Variants in CLYBL observed in about 807,000 individuals in gnomAD.
CLYBL encodes citramalyl-CoA lyase, also known as citramalyl-CoA lyase, mitochondrial.
CLYBL carries 31 observed loss-of-function variants against 38.9 expected under a neutral mutation model. That is an observed-to-expected ratio of 0.80 (90% CI 0.60 to 1.08). CLYBL has a LOEUF of 1.08. CLYBL is among the 50% of genes least tolerant of loss of function. The pLI is 0.00. For missense variants in CLYBL, 434 were observed against 411.6 expected (o/e 1.05, Z -0.47); for synonymous variants, 171 against 158.6 (o/e 1.08, Z -0.59).
intron 1 of CLYBL, among the ~76,000 whole-genome samples, chr13:99,720,897 A>T (rs540743888): frequency 6.6e-6 from 1 of 152,174 alleles, no homozygotes; most frequent in African/African-American, 2.4e-5. Flanking sequence ...CATCTCAGTC[A>T]TAAGTCCTCA....
intron 1 of CLYBL, among the ~76,000 whole-genome samples, chr13:99,665,740 G>A (rs189633795): frequency 6.6e-6 from 1 of 152,124 alleles, no homozygotes; most frequent in Non-Finnish European, 1.5e-5. Flanking sequence ...TAGAAGTTTA[G>A]AGGAGGTATT....
chr13:99,813,590 C>T (rs2050383893), intron 2 of CLYBL, among the ~76,000 whole-genome samples: 1 of 152,154 alleles, frequency 6.6e-6, no homozygotes, highest in African/African-American at 2.4e-5. Context: ...ACTGACTAAC[C>T]ACTTACCACT....
chr13:99,788,180 G>T (rs544461629), intron 2 of CLYBL, among the ~76,000 whole-genome samples: 14 of 151,916 alleles, frequency 9.2e-5, no homozygotes, highest in African/African-American at 2.7e-4. Flanking sequence ...TCCTAATTGA[G>T]TACCCTTTAT....
At chr13:99,693,389 G>A (rs767903058) in intron 1 of CLYBL, among the ~76,000 whole-genome samples, 2 of 152,050 alleles carry the variant, frequency 1.3e-5, no homozygotes, top group African/African-American at 4.8e-5. Context: ...GGGAACACAG[G>A]CTTTCTCTTT....
intron 1 of CLYBL, among the ~76,000 whole-genome samples, chr13:99,739,110 A>T (rs1299524206): frequency 6.6e-6 from 1 of 152,250 alleles, no homozygotes; most frequent in Non-Finnish European, 1.5e-5. Context: ...TTTAGCTCAA[A>T]TAAGCAGCCA....
intron 2 of CLYBL, among the ~76,000 whole-genome samples, chr13:99,854,990 G>A (rs1050572686): frequency 3.9e-5 from 6 of 152,284 alleles, no homozygotes; most frequent in South Asian, 2.1e-4. Context: ...TTTAGAATGG[G>A]GGCCTGCAAA....
intron 7 of CLYBL, among the ~76,000 whole-genome samples, chr13:99,887,238 T>TCC (rs34556034): frequency 2.1e-4 from 32 of 151,282 alleles, no homozygotes; most frequent in East Asian, 1.4e-3. Flanking sequence ...TTTTAACAAG[T>TCC]CCCCCCCGCC....
At chr13:99,666,691 T>G (rs1451649964) in intron 1 of CLYBL, among the ~76,000 whole-genome samples, 1 of 151,278 alleles carries the variant, frequency 6.6e-6, no homozygotes, top group Non-Finnish European at 1.5e-5. Flanking sequence ...GATTTTTCAT[T>G]ATGCACACAT....
intron 3 of CLYBL, among the ~76,000 whole-genome samples, chr13:99,860,183 G>A (rs1286434415): frequency 6.6e-6 from 1 of 151,928 alleles, no homozygotes; most frequent in Non-Finnish European, 1.5e-5. Flanking sequence ...CTCACTGAGG[G>A]GACAAAAAGA....
chr13:99,871,182 G>GGGA (rs1273819890), intron 7 of CLYBL, 120 bp downstream of exon 7: 10 of 1,159,376 alleles, frequency 8.6e-6, no homozygotes, highest in Non-Finnish European at 1.1e-5. Flanking sequence ...AGGGGGGAAA[G>GGGA]GGAGGGAACA....
intron 1 of CLYBL, among the ~76,000 whole-genome samples, chr13:99,669,745 A>G (rs1278323549): frequency 6.6e-6 from 1 of 152,198 alleles, no homozygotes; most frequent in African/African-American, 2.4e-5. Flanking sequence ...CCCACACAGC[A>G]TATATCTCAT....
intron 2 of CLYBL, among the ~76,000 whole-genome samples, chr13:99,819,465 T>TATATATATATATAAAA (rs1366110606): frequency 1.9e-4 from 11 of 58,754 alleles, no homozygotes; most frequent in African/African-American, 5.8e-4. Flanking sequence ...TATATATATA[T>TATATATATATATAAAA]ATAATATTTG....
At chr13:99,710,420 G>A (rs2048212752) in intron 1 of CLYBL, among the ~76,000 whole-genome samples, 2 of 152,060 alleles carry the variant, frequency 1.3e-5, no homozygotes, top group South Asian at 4.2e-4. Flanking sequence ...GTGGAGCTGG[G>A]GGAATAATAA....
chr13:99,862,950 A>G, intron 3 of CLYBL, 41 bp from the exon 4 acceptor site: 1 of 1,187,442 alleles, frequency 8.4e-7, no homozygotes, highest in East Asian at 2.4e-5. Context: ...GTGATTGTAC[A>G]TTTTTTCCCC....
intron 2 of CLYBL, among the ~76,000 whole-genome samples, chr13:99,813,999 C>T (rs2050392818): frequency 6.6e-6 from 1 of 152,178 alleles, no homozygotes; most frequent in African/African-American, 2.4e-5. Context: ...CTTCATTTTG[C>T]ACAGAAATTT....
At chr13:99,798,870 A>G (rs2050073595) in intron 2 of CLYBL, among the ~76,000 whole-genome samples, 1 of 152,368 alleles carries the variant, frequency 6.6e-6, no homozygotes, top group African/African-American at 2.4e-5. Context: ...GTAGAAGTCT[A>G]TTTGGTAGTT....
At chr13:99,629,209 A>G (rs2046909955) in intron 1 of CLYBL, among the ~76,000 whole-genome samples, 1 of 152,242 alleles carries the variant, frequency 6.6e-6, no homozygotes, top group Admixed American at 6.5e-5. Context: ...AATGGCCCTG[A>G]CAGGGGGCTA....
intron 1 of CLYBL, among the ~76,000 whole-genome samples, chr13:99,680,063 A>G (rs16956828): frequency 0.067 from 10,223 of 152,274 alleles, 1,151 homozygotes; most frequent in African/African-American, 0.23. Context: ...TGCATTCACA[A>G]CTTTGAAAAC....
intron 1 of CLYBL, among the ~76,000 whole-genome samples, chr13:99,694,035 A>G (rs2047944869): frequency 6.6e-6 from 1 of 152,218 alleles, no homozygotes; most frequent in African/African-American, 2.4e-5. Flanking sequence ...AGAAATGTTA[A>G]TGCAATAAAC....
Sources: gnomAD v4.1 joint callset for allele counts (sites outside exome capture counted in the v4.1 genomes callset) on GRCh38, gnomAD v4.1.1 for gene constraint, MANE v1.5 for transcripts, NCBI Gene and HGNC (gene_info 2026-07-23, HGNC 2026-07-21) for gene names.